Variants in RALGAPA2 observed in about 807,000 individuals in gnomAD.
RALGAPA2 encodes ral GTPase-activating protein subunit alpha-2.
In RALGAPA2, 139 loss-of-function variants were observed where a neutral mutation model predicts 230.4. The observed-to-expected ratio is 0.60, with a 90% CI of 0.53 to 0.69. RALGAPA2 has a LOEUF of 0.69. Among genes scored for constraint, RALGAPA2 ranks in the 30% least tolerant of loss-of-function variants. The pLI is 0.00. For synonymous variants in RALGAPA2, 847 were observed against 837.8 expected (o/e 1.01, Z -0.19); for missense variants, 2,163 against 2,276.0 (o/e 0.95, Z 1.01).
At chr20:20,526,409 T>C in intron 27 of RALGAPA2, 47 bp from the exon 28 acceptor site, 1 of 1,258,812 alleles carries the variant, frequency 7.9e-7, no homozygotes, top group South Asian at 1.4e-5. Flanking sequence ...ACTTAACAGG[T>C]GTATCGTTCT....
At chr20:20,682,422 T>C (rs2068552332) in intron 1 of RALGAPA2, among the ~76,000 whole-genome samples, 1 of 152,198 alleles carries the variant, frequency 6.6e-6, no homozygotes, top group African/African-American at 2.4e-5. Flanking sequence ...TGCAAACTGC[T>C]AGCCCATCTA....
At chr20:20,495,616 T>G (rs1455111026) in intron 35 of RALGAPA2, among the ~76,000 whole-genome samples, 1 of 152,258 alleles carries the variant, frequency 6.6e-6, no homozygotes, top group Non-Finnish European at 1.5e-5. Flanking sequence ...TTCTAAACAA[T>G]TAACAACACG....
chr20:20,485,154 C>A (rs2061879076), intron 36 of RALGAPA2, among the ~76,000 whole-genome samples: 1 of 151,314 alleles, frequency 6.6e-6, no homozygotes, highest in Admixed American at 6.6e-5. Context: ...CCTTGGGATG[C>A]AAAAGATTGG....
intron 9 of RALGAPA2, among the ~76,000 whole-genome samples, chr20:20,629,867 T>C (rs1429960755): frequency 6.6e-6 from 1 of 152,202 alleles, no homozygotes; most frequent in Non-Finnish European, 1.5e-5. Flanking sequence ...ATCTAAAAGG[T>C]TTAATTTGCA....
chr20:20,495,156 C>A lies in RALGAPA2; in HGVS notation c.5328G>T (p.Lys1776Asn), dbSNP rs747950279. The change falls in exon 36 of 40, where the codon AAG becomes AAT. Residue 1776 changes from lysine (K) to asparagine (N), a missense_variant. Physicochemically the swap from Lys to Asn is moderately conservative, Grantham distance 94. Transcript: ENST00000202677. ...TTATCGCGATGAAGAACATGTGATTCTTCATTGGGTAAATAATGATTGAAA... is the reference window on the plus strand; with the variant it reads ...TTATCGCGATGAAGAACATGTGATTATTCATTGGGTAAATAATGATTGAAA... ...GDVSIIIYPM[K>N]NHMFFIAITK... The A allele has an allele frequency of 6.2e-7, 1 of 1,610,070 alleles. No homozygotes were observed. The highest frequency in any genetic ancestry group is 1.1e-5 in the South Asian group (1 of 90,674).
chr20:20,396,670 A>G, intron 39 of RALGAPA2, 25 bp downstream of exon 39: 1 of 1,597,296 alleles, frequency 6.3e-7, no homozygotes, highest in Non-Finnish European at 8.6e-7. Flanking sequence ...GTGGCTGGAC[A>G]AATCCACTGA....
At chr20:20,402,071 C>T (rs2059853628) in intron 38 of RALGAPA2, among the ~76,000 whole-genome samples, 1 of 152,164 alleles carries the variant, frequency 6.6e-6, no homozygotes, top group Admixed American at 6.5e-5. Context: ...CACGGAGAGG[C>T]AGCGGGGCTG....
At chr20:20,677,361 CA>C (rs1253085419) in intron 2 of RALGAPA2, among the ~76,000 whole-genome samples, 1 of 152,108 alleles carries the variant, frequency 6.6e-6, no homozygotes, top group Non-Finnish European at 1.5e-5. Context: ...GGTTTGGAAG[CA>C]AGCCATACGG....
intron 14 of RALGAPA2, among the ~76,000 whole-genome samples, chr20:20,605,831 C>T (rs2065802758): frequency 6.6e-6 from 1 of 152,142 alleles, no homozygotes; most frequent in South Asian, 2.1e-4. Context: ...GCAGACTTCA[C>T]AAGAAACAGA....
At chr20:20,692,730 T>A (rs2068958586) in intron 1 of RALGAPA2, among the ~76,000 whole-genome samples, 1 of 152,194 alleles carries the variant, frequency 6.6e-6, no homozygotes, top group Non-Finnish European at 1.5e-5. Flanking sequence ...TCATTCTATC[T>A]GGGTGCAATG....
intron 19 of RALGAPA2, among the ~76,000 whole-genome samples, chr20:20,584,639 G>A (rs912623183): frequency 6.6e-6 from 1 of 152,142 alleles, no homozygotes; most frequent in African/African-American, 2.4e-5. Flanking sequence ...AATCAGCCAA[G>A]CGCATTGACA....
intron 23 of RALGAPA2, among the ~76,000 whole-genome samples, chr20:20,567,097 A>G (rs2064454594): frequency 6.6e-6 from 1 of 152,248 alleles, no homozygotes; most frequent in Admixed American, 6.5e-5. Context: ...TAAGACATTA[A>G]ATCTGTAAGT....
chr20:20,669,377 A>G (rs2068061046), intron 3 of RALGAPA2, among the ~76,000 whole-genome samples: 1 of 152,186 alleles, frequency 6.6e-6, no homozygotes, highest in South Asian at 2.1e-4. Flanking sequence ...ATGACATAGG[A>G]AGGATGCCCC....
chr20:20,498,079 CA>C, intron 35 of RALGAPA2, among the ~76,000 whole-genome samples: 1 of 152,294 alleles, frequency 6.6e-6, no homozygotes, highest in Middle Eastern at 3.4e-3. Context: ...CTGGATGGCT[CA>C]AAGTGTTGCC....
At chr20:20,452,913 T>TG (rs977699016) in intron 37 of RALGAPA2, among the ~76,000 whole-genome samples, 2 of 152,154 alleles carry the variant, frequency 1.3e-5, no homozygotes, top group African/African-American at 4.8e-5. Context: ...ACTGGGGTGG[T>TG]GGGGAGCCGT....
chr20:20,640,265 A>G (rs2066988782), intron 6 of RALGAPA2, among the ~76,000 whole-genome samples: 1 of 152,244 alleles, frequency 6.6e-6, no homozygotes, highest in South Asian at 2.1e-4. Flanking sequence ...TGAGGCCACT[A>G]TTGTCCTTCC....
At chr20:20,395,431 A>C (rs2059692457) in intron 39 of RALGAPA2, among the ~76,000 whole-genome samples, 1 of 152,182 alleles carries the variant, frequency 6.6e-6, no homozygotes, top group South Asian at 2.1e-4. Flanking sequence ...GAAGCCAAGG[A>C]TTTATTCACA....
intron 36 of RALGAPA2, among the ~76,000 whole-genome samples, chr20:20,481,873 C>G (rs1403869236): frequency 6.6e-6 from 1 of 152,118 alleles, no homozygotes; most frequent in African/African-American, 2.4e-5. Context: ...GTGGGCCTCA[C>G]AGAGTGACTA....
chr20:20,529,651 A>T (rs557560907), intron 27 of RALGAPA2, among the ~76,000 whole-genome samples: 3 of 152,328 alleles, frequency 2.0e-5, no homozygotes, highest in African/African-American at 7.2e-5. Context: ...CAGTTCCTAC[A>T]GTATTTAGTA....
Sources: gnomAD v4.1 joint callset for allele counts (sites outside exome capture counted in the v4.1 genomes callset) on GRCh38, gnomAD v4.1.1 for gene constraint, MANE v1.5 for transcripts, NCBI Gene and HGNC (gene_info 2026-07-23, HGNC 2026-07-21) for gene names.